CACNA1S: variants seen among roughly 807,000 people sequenced by gnomAD.
CACNA1S encodes voltage-dependent L-type calcium channel subunit alpha-1S.
A neutral mutation model predicts 207.4 loss-of-function variants in CACNA1S; 126 were observed. The observed-to-expected ratio is 0.61, with a 90% CI of 0.53 to 0.70. CACNA1S has a LOEUF of 0.70. Ranked by LOEUF, CACNA1S falls within the 30% of genes least tolerant of loss-of-function variation. The probability of loss-of-function intolerance (pLI) is 0.00; values close to 1 mark genes in which losing one functional copy is unlikely to be tolerated. For missense variants in CACNA1S, 2,349 were observed against 2,422.8 expected, an observed-to-expected ratio of 0.97 and a Z score of 0.64; for synonymous variants, 960 against 932.7, an observed-to-expected ratio of 1.03 and a Z score of -0.53.
chr1:201,087,735 T>G (rs772125092), intron 7 of CACNA1S, 91 bp downstream of exon 7: 143 of 522,548 alleles, frequency 2.7e-4, no homozygotes, highest in East Asian at 7.8e-4. Context: ...CCACCCCTCC[T>G]GTTTCTTTTC....
chr1:201,107,862 C>T (rs554351041), intron 2 of CACNA1S, among the ~76,000 whole-genome samples: 246 of 152,304 alleles, frequency 1.6e-3, no homozygotes, highest in African/African-American at 5.6e-3. Flanking sequence ...GGAGTCCTCA[C>T]TGAGCATTCA....
intron 2 of CACNA1S, among the ~76,000 whole-genome samples, chr1:201,103,105 G>A (rs1054304274): frequency 2.6e-5 from 4 of 152,130 alleles, no homozygotes; most frequent in African/African-American, 7.2e-5. Flanking sequence ...AATTAGCCAG[G>A]TGTGGTGACG....
At chr1:201,101,659 A>G (rs1662672311) in intron 2 of CACNA1S, among the ~76,000 whole-genome samples, 1 of 152,186 alleles carries the variant, frequency 6.6e-6, no homozygotes, top group Admixed American at 6.5e-5. Context: ...TCTGATGCCC[A>G]AAGTTTGTGC....
chr1:201,078,678 G>A (rs892951393), intron 10 of CACNA1S, among the ~76,000 whole-genome samples: 2 of 152,078 alleles, frequency 1.3e-5, no homozygotes, highest in Non-Finnish European at 2.9e-5. Flanking sequence ...CCTCCTGGTA[G>A]AGAAGGGTCC....
At chr1:201,084,323 G>A (rs1173648513) in intron 9 of CACNA1S, among the ~76,000 whole-genome samples, 1 of 152,064 alleles carries the variant, frequency 6.6e-6, no homozygotes, top group South Asian at 2.1e-4. Context: ...TGTGCAAGAC[G>A]GATGAAAGCA....
intron 2 of CACNA1S, 35 bp from the exon 3 acceptor site, chr1:201,094,056 TG>T: frequency 6.2e-7 from 1 of 1,613,882 alleles, no homozygotes; most frequent in Non-Finnish European, 8.5e-7. Context: ...CATGCCTCTG[TG>T]CTCTCTGAGT....
At chr1:201,051,848 G>A (rs746000145) in intron 32 of CACNA1S, among the ~76,000 whole-genome samples, 1 of 152,210 alleles carries the variant, frequency 6.6e-6, no homozygotes, top group African/African-American at 2.4e-5. Context: ...GAGTTGAGGT[G>A]CAGAGCTGGG....
In CACNA1S at chr1:201,039,960, C is replaced by T; in HGVS notation, c.5493G>A (p.Glu1831=). The part of the protein sequence containing the change: ...EPEEVEIMAT[E]LLKGREAPEG... ...CTGGGGCCTCTCGTCCTTTCAGTAG[C>T]TCTGTTGCCATGATCTCCACTTCCT... The change falls in exon 44 of 44, where the codon GAG becomes GAA. Residue 1831 remains glutamate, a synonymous_variant. Coordinates refer to ENST00000362061, the MANE Select transcript of CACNA1S (RefSeq NM_000069.3). 1.2e-6 allele frequency: 2 copies of T among 1,610,948 alleles called. No individual in the cohort carries two copies. Among genetic ancestry groups the T allele is most frequent in the Non-Finnish European group, 1.7e-6 (2 of 1,179,978 alleles).
chr1:201,072,189 G>A (rs908548925), intron 16 of CACNA1S, among the ~76,000 whole-genome samples: 1 of 152,156 alleles, frequency 6.6e-6, no homozygotes, highest in African/African-American at 2.4e-5. Flanking sequence ...GATTTCTGCA[G>A]CAGTCACTGG....
intron 14 of CACNA1S, 115 bp downstream of exon 14, chr1:201,074,391 G>T (rs1661531826): frequency 1.4e-6 from 1 of 727,572 alleles, no homozygotes; most frequent in Admixed American, 2.0e-5. Context: ...ACTGAGGTGG[G>T]TGTCACCATG....
intron 19 of CACNA1S, among the ~76,000 whole-genome samples, chr1:201,068,646 G>A (rs1478543374): frequency 2.6e-5 from 4 of 151,922 alleles, no homozygotes; most frequent in Non-Finnish European, 5.9e-5. Context: ...GCTGAGGTGG[G>A]CGGATCACAA....
chr1:201,072,104 A>G (rs531813428), intron 16 of CACNA1S, among the ~76,000 whole-genome samples: 10 of 152,192 alleles, frequency 6.6e-5, no homozygotes, highest in Admixed American at 5.9e-4. Context: ...CTTGGGCCCC[A>G]GGGCTCTGTC....
At chr1:201,100,765 A>G (rs950428895) in intron 2 of CACNA1S, among the ~76,000 whole-genome samples, 2 of 152,002 alleles carry the variant, frequency 1.3e-5, no homozygotes, top group African/African-American at 4.8e-5. Context: ...GGATAATAAT[A>G]GCTAAGCTTT....
intron 19 of CACNA1S, among the ~76,000 whole-genome samples, chr1:201,067,469 C>T (rs1189616402): frequency 2.0e-5 from 3 of 152,222 alleles, no homozygotes; most frequent in Admixed American, 6.5e-5. Context: ...GCTCCCCTCT[C>T]AGCTTCTTTG....
Position 201,053,813 on chromosome 1 carries a change from G to A in CACNA1S, c.3667-226C>T, listed in dbSNP as rs1414121009. Among the ~76,000 whole-genome samples, 2 of 152,198 alleles carry A rather than the reference G, an allele frequency of 1.3e-5. No homozygotes were observed. The highest frequency in any genetic ancestry group is 4.8e-5 in the African/African-American group (2 of 41,458). ...CAGGGAAGAGGACGTGGGGCACCAG[G>A]CAGCGTGGTGAAGCCCACACTTGGG... On this transcript the variant is annotated intron_variant, in intron 29 of 43. Transcript: ENST00000362061. This position sits in a 1 kb window ranked among gnomAD's most constrained non-coding sequence, Gnocchi z 5.1.
In CACNA1S at chr1:201,083,270, C is replaced by T. The variant is rs750807406; in HGVS notation, c.1285G>A (p.Val429Met). 35 of 1,614,064 alleles carry T rather than the reference C, an allele frequency of 2.2e-5. No individual in the cohort carries two copies. In the South Asian group the frequency reaches 2.6e-4, roughly 12 times the overall value. Reference protein sequence around the residue: ...RIFRWKCHDIVKSKVFYWLVI... With the variant: ...RIFRWKCHDIMKSKVFYWLVI... Reference sequence around the variant, plus strand: ...AGCCAATAGAAGACCTTGGACTTCACGATGTCATGGCACTTCCAGCGAAAG... The same window carrying T: ...AGCCAATAGAAGACCTTGGACTTCATGATGTCATGGCACTTCCAGCGAAAG... The change falls in exon 10 of 44, where the codon GTG becomes ATG. Residue 429 changes from valine to methionine, a missense_variant. Physicochemically the swap from Val to Met is conservative, Grantham distance 21. Coordinates refer to ENST00000362061, the MANE Select transcript of CACNA1S (RefSeq NM_000069.3).
chr1:201,040,461 C>T, intron 42 of CACNA1S, 87 bp from the exon 43 acceptor site: 3 of 1,543,214 alleles, frequency 1.9e-6, no homozygotes, highest in Admixed American at 1.7e-5. Flanking sequence ...GAGGGCAACT[C>T]AACCAAGATC....
intron 42 of CACNA1S, 120 bp downstream of exon 42, chr1:201,040,502 C>T: frequency 7.1e-7 from 1 of 1,408,138 alleles, no homozygotes; most frequent in South Asian, 1.2e-5. Flanking sequence ...GGGATCCCGT[C>T]CCTTCTGTAC....
rs1464376202 is a variant in CACNA1S, at chr1:201,093,907, G to A, written c.373C>T (p.Leu125=). The A allele has an allele frequency of 4.3e-6, 7 of 1,614,192 alleles. No homozygotes were observed. The highest frequency in any genetic ancestry group is 1.1e-5 in the South Asian group (1 of 91,078). ...DAYLRSGWNV[L]DFTIVFLGVF... ...CCCAGGAAGACAATGGTGAAGTCCAGCACATTCCAGCCACTGCGCAGGTAA... is the reference window on the plus strand; with the variant it reads ...CCCAGGAAGACAATGGTGAAGTCCAACACATTCCAGCCACTGCGCAGGTAA... The change falls in exon 3 of 44, where the codon CTG becomes TTG. Residue 125 remains leucine (L), a synonymous_variant. Transcript: ENST00000362061.
Sources: allele counts gnomAD v4.1 joint callset (sites outside exome capture counted in the v4.1 genomes callset), GRCh38; gene constraint gnomAD v4.1.1; non-coding constraint Gnocchi (gnomAD v3.1); transcripts MANE v1.5; gene names NCBI Gene and HGNC (gene_info 2026-07-23, HGNC 2026-07-21).